GPAT3: variants seen among roughly 807,000 people sequenced by gnomAD.
GPAT3 encodes 1-AGP acyltransferase 9.
A neutral mutation model predicts 58.8 loss-of-function variants in GPAT3; 53 were observed. The ratio of observed to expected loss-of-function variants is 0.90; its 90% confidence interval spans 0.72 to 1.13. The LOEUF (loss-of-function observed/expected upper bound fraction) is 1.13, where lower values mean the gene tolerates loss of function less well. GPAT3 is among the 50% of genes most tolerant of loss of function. The probability of loss-of-function intolerance (pLI) is 0.00; values close to 1 mark genes in which losing one functional copy is unlikely to be tolerated. For synonymous variants in GPAT3, 197 were observed against 187.4 expected (o/e 1.05, Z -0.42); for missense variants, 511 against 527.6 (o/e 0.97, Z 0.31).
intron 2 of GPAT3, among the ~76,000 whole-genome samples, chr4:83,557,351 C>T (rs1724977178): frequency 6.6e-6 from 1 of 152,126 alleles, no homozygotes. Context: ...GTCAGCAAAT[C>T]CATTCTGTCT....
At chr4:83,581,013 A>G (rs1412095502) in intron 2 of GPAT3, among the ~76,000 whole-genome samples, 4 of 145,760 alleles carry the variant, frequency 2.7e-5, no homozygotes, top group Non-Finnish European at 3.0e-5. Flanking sequence ...GGAGATTGGC[A>G]TGAACCCGGG....
intron 2 of GPAT3, among the ~76,000 whole-genome samples, chr4:83,571,167 A>G (rs982319056): frequency 2.0e-5 from 3 of 152,172 alleles, no homozygotes; most frequent in African/African-American, 7.2e-5. Flanking sequence ...ATTGCTATGG[A>G]GTATTCCTTT....
At chr4:83,540,430 T>C (rs751162389) in intron 1 of GPAT3, among the ~76,000 whole-genome samples, 1 of 152,184 alleles carries the variant, frequency 6.6e-6, no homozygotes, top group African/African-American at 2.4e-5. Flanking sequence ...ATTCAGAACA[T>C]CTGAAAGAGA....
intron 11 of GPAT3, among the ~76,000 whole-genome samples, chr4:83,602,434 GATTT>G (rs1289812525): frequency 1.3e-5 from 2 of 152,092 alleles, no homozygotes; most frequent in African/African-American, 2.4e-5. Flanking sequence ...TGCCTTTCTA[GATTT>G]ATTTGTCATG....
rs1724076567 is a variant in GPAT3 at position 83,536,260 on chromosome 4, G to A, written c.-363G>A. 7 of 1,019,744 alleles carry A rather than the reference G, an allele frequency of 6.9e-6. No individual in the cohort carries two copies. Among genetic ancestry groups the A allele is most frequent in the Non-Finnish European group, 8.2e-6 (7 of 852,640 alleles). 63.2% of individuals were successfully genotyped at this position (1,019,744 alleles called of 1,614,324 possible). ...GCCACCCAGAGGAAATCAGGCACCG[G>A]GCGGGGCGGGTTCCTGGCTGCGCTC... On this transcript the variant is annotated 5_prime_UTR_variant, in exon 1 of 12. Transcript: ENST00000264409.
intron 2 of GPAT3, among the ~76,000 whole-genome samples, chr4:83,552,624 A>G (rs1165361923): frequency 6.6e-6 from 1 of 152,212 alleles, no homozygotes; most frequent in Non-Finnish European, 1.5e-5. Context: ...TAGAAAGCAG[A>G]CAAAGAAATC....
Position 83,605,392 on chromosome 4 carries a change from A to G in GPAT3, c.*625A>G, listed in dbSNP as rs1727217245. 1 of 152,264 alleles carries G rather than the reference A, an allele frequency of 6.6e-6. No homozygotes were observed. The highest frequency in any genetic ancestry group is 2.4e-5 in the African/African-American group (1 of 41,468). 9.4% of individuals were successfully genotyped at this position (152,264 alleles called of 1,614,324 possible). A position where few individuals can be genotyped will look rare whatever the true frequency, so the allele number is the denominator to read the frequency against. On this transcript the variant is annotated 3_prime_UTR_variant, in exon 12 of 12. Transcript: ENST00000264409. ...AAAGTTAATGTGTGTGCGCATTTAT[A>G]TGTAGGCAGCTCGTAGACCACATTT...
intron 1 of GPAT3, among the ~76,000 whole-genome samples, chr4:83,541,554 A>G (rs1395044728): frequency 6.6e-6 from 1 of 152,070 alleles, no homozygotes; most frequent in East Asian, 1.9e-4. Flanking sequence ...ATCTTAACAC[A>G]GTAATTGTGT....
chr4:83,545,287 A>G (rs1724464490), intron 2 of GPAT3, among the ~76,000 whole-genome samples: 1 of 152,130 alleles, frequency 6.6e-6, no homozygotes, highest in African/African-American at 2.4e-5. Flanking sequence ...CAAAAAATAC[A>G]AAAATTAGCT....
chr4:83,589,018 C>CG (rs1726489676), intron 5 of GPAT3, among the ~76,000 whole-genome samples: 1 of 152,130 alleles, frequency 6.6e-6, no homozygotes. Flanking sequence ...AGAAGGGAAA[C>CG]ATTTTGCCAT....
chr4:83,594,873 G>A lies in GPAT3; in HGVS notation c.767G>A (p.Gly256Glu), dbSNP rs1050360874. Residue 256 changes from glycine to glutamate, a missense_variant, in exon 7 of 12, where the codon GGA becomes GAA. Coordinates refer to ENST00000264409, the MANE Select transcript of GPAT3 (RefSeq NM_032717.5). Reference sequence around the variant, plus strand: ...GGCCAGGTTCATGGCGGCTTGATGGGAATTATTCAGAGAGCTATGGTCAAG... The same window carrying A: ...GGCCAGGTTCATGGCGGCTTGATGGAAATTATTCAGAGAGCTATGGTCAAG... ...MVGQVHGGLM[G>E]IIQRAMVKAC... 1.2e-6 allele frequency: 2 copies of A among 1,613,908 alleles called. No individual in the cohort carries two copies. Among genetic ancestry groups the A allele is most frequent in the Non-Finnish European group, 8.5e-7 (1 of 1,179,870 alleles).
At chr4:83,599,356 T>TA (rs1422604176) in intron 11 of GPAT3, among the ~76,000 whole-genome samples, 1 of 152,176 alleles carries the variant, frequency 6.6e-6, no homozygotes, top group Non-Finnish European at 1.5e-5. Flanking sequence ...GAAGGAATTT[T>TA]AAAAAGGACA....
chr4:83,553,199 A>G (rs1724818108), intron 2 of GPAT3, among the ~76,000 whole-genome samples: 1 of 152,186 alleles, frequency 6.6e-6, no homozygotes, highest in Non-Finnish European at 1.5e-5. Context: ...GCAGGAAATG[A>G]GAAGGTAAAA....
intron 9 of GPAT3, 130 bp from the exon 10 acceptor site, chr4:83,597,921 C>A: frequency 9.6e-7 from 1 of 1,047,100 alleles, no homozygotes; most frequent in Non-Finnish European, 1.4e-6. Flanking sequence ...TTGATAAATT[C>A]CATCAAGTGA....
intron 2 of GPAT3, among the ~76,000 whole-genome samples, chr4:83,550,362 C>T (rs776129960): frequency 1.3e-5 from 2 of 151,974 alleles, no homozygotes; most frequent in African/African-American, 2.4e-5. Context: ...CCAAATGTCC[C>T]CCTGATTGCA....
At chr4:83,566,583 CT>C (rs947549239) in intron 2 of GPAT3, among the ~76,000 whole-genome samples, 3 of 151,364 alleles carry the variant, frequency 2.0e-5, no homozygotes, top group African/African-American at 7.3e-5. Context: ...CCTATTTATT[CT>C]TGTTTACTTA....
intron 2 of GPAT3, among the ~76,000 whole-genome samples, chr4:83,558,143 G>A (rs576605757): frequency 1.2e-4 from 18 of 152,148 alleles, no homozygotes; most frequent in African/African-American, 4.1e-4. Context: ...GAATTGGGGA[G>A]GCGGAGGTTG....
intron 2 of GPAT3, among the ~76,000 whole-genome samples, chr4:83,567,571 G>T (rs777395238): frequency 4.6e-5 from 7 of 152,164 alleles, no homozygotes; most frequent in Non-Finnish European, 1.0e-4. Context: ...TGTGATTAGT[G>T]TATTACTTAC....
At position 83,596,895 on chromosome 4, in the gene GPAT3, A is replaced by C. The variant is rs750587967; in HGVS notation, c.892A>C (p.Ile298Leu). 6.2e-7 allele frequency: 1 copy of C among 1,600,230 alleles called. No individual in the cohort carries two copies. Among genetic ancestry groups the C allele is most frequent in the Admixed American group, 1.8e-5 (1 of 55,372 alleles). ...TATTGCTGATAAGAAGAAACTACCCATACTAATTTTTCCTGAAGGTAAGAA... is the reference window on the plus strand; with the variant it reads ...TATTGCTGATAAGAAGAAACTACCCCTACTAATTTTTCCTGAAGGTAAGAA... ...EHIADKKKLP[I>L]LIFPEGTCIN... The change falls in exon 8 of 12, where the codon ATA (isoleucine) becomes CTA (leucine). Residue 298 changes from isoleucine to leucine, a missense_variant. By Grantham distance (5) the Ile-to-Leu change is conservative. Coordinates refer to ENST00000264409, the MANE Select transcript of GPAT3 (RefSeq NM_032717.5).
Sources: gnomAD v4.1 joint callset for allele counts (sites outside exome capture counted in the v4.1 genomes callset) on GRCh38, gnomAD v4.1.1 for gene constraint, MANE v1.5 for transcripts, NCBI Gene and HGNC (gene_info 2026-07-23, HGNC 2026-07-21) for gene names.